The following PSMD11 variants were observed in gnomAD, a reference collection of about 807,000 sequenced individuals.
PSMD11 encodes proteasome 26S subunit, non-ATPase 11.
In PSMD11, 5 loss-of-function variants were observed where a neutral mutation model predicts 62.3. That is an observed-to-expected ratio of 0.08 (90% CI 0.04 to 0.17). The LOEUF (loss-of-function observed/expected upper bound fraction) is 0.17. Among genes scored for constraint, PSMD11 ranks in the 10% least tolerant of loss-of-function variants. PSMD11 has a pLI of 1.00. For missense variants in PSMD11, 310 were observed against 512.9 expected (o/e 0.60, Z 3.82); for synonymous variants, 191 against 191.8 (o/e 1.00, Z 0.03).
At chr17:32,467,072 G>A (rs1908011931) in intron 5 of PSMD11, among the ~76,000 whole-genome samples, 1 of 151,518 alleles carries the variant, frequency 6.6e-6, no homozygotes, top group African/African-American at 2.4e-5. Flanking sequence ...AGCCTCCCAA[G>A]TACCTGGGAT....
At chr17:32,468,946 TTATTAGGTA>T in intron 5 of PSMD11, 44 bp from the exon 6 acceptor site, 1 of 1,511,168 alleles carries the variant, frequency 6.6e-7, no homozygotes, top group South Asian at 1.3e-5. Context: ...GAGTGAGCTA[TTATTAGGTA>T]TTAAGCTGAT....
intron 10 of PSMD11, 94 bp downstream of exon 10, chr17:32,479,470 G>A (rs1908427351): frequency 1.3e-6 from 2 of 1,502,118 alleles, no homozygotes; most frequent in Admixed American, 4.2e-5. Context: ...TCACTTCTAG[G>A]GGTGTGCCTG....
intron 3 of PSMD11, among the ~76,000 whole-genome samples, chr17:32,456,143 CAAAAAAAAAAA>C (rs551469411): frequency 1.7e-5 from 1 of 58,252 alleles, no homozygotes; most frequent in Non-Finnish European, 3.5e-5. Flanking sequence ...GACTCTGTCT[CAAAAAAAAAAA>C]AAAAAAAAAA....
intron 3 of PSMD11, among the ~76,000 whole-genome samples, chr17:32,462,377 C>G (rs2150833837): frequency 6.6e-6 from 1 of 152,236 alleles, no homozygotes; most frequent in East Asian, 1.9e-4. Flanking sequence ...TTGAATTTAG[C>G]TTTTCAGAAT....
chr17:32,469,971 T>C (rs1338294283), intron 6 of PSMD11, among the ~76,000 whole-genome samples: 1 of 152,134 alleles, frequency 6.6e-6, no homozygotes. Flanking sequence ...GCCTCATTAA[T>C]GTTTGTGTTG....
At position 32,476,132 on chromosome 17, in the gene PSMD11, T is replaced by C. The variant is rs113415843; in HGVS notation, c.849+1308T>C. 9.7e-3 allele frequency among the ~76,000 whole-genome samples: 1,475 copies of C among 151,998 alleles called. 29 individuals are homozygous for C. The highest frequency in any genetic ancestry group is 0.034 in the African/African-American group (1,414 of 41,476). On this transcript the variant is annotated intron_variant, in intron 8 of 13. Transcript: ENST00000261712. ...TACAAAAATTAGCCGGGCATGGTAGTGCATTGGTGGCTGTAATCCCAGCTA... is the reference window on the plus strand; with the variant it reads ...TACAAAAATTAGCCGGGCATGGTAGCGCATTGGTGGCTGTAATCCCAGCTA...
rs1340721510 is a variant in PSMD11, at chr17:32,467,867, C to T, written c.449-1132C>T. Among the ~76,000 whole-genome samples, 6 of 152,196 alleles carry T rather than the reference C, an allele frequency of 3.9e-5. No homozygotes were observed. The South Asian group carries it at 1.2e-3, about 32-fold the overall frequency. On this transcript the variant is annotated intron_variant, in intron 5 of 13. Coordinates refer to ENST00000261712, the MANE Select transcript of PSMD11 (RefSeq NM_002815.4). ...TGTGCAGGTTTGTTACATAGGTAAA[C>T]TTGCGTCATGCAGTTTGTTGTTCAG...
At chr17:32,472,225 G>GTT (rs796431729) in intron 6 of PSMD11, among the ~76,000 whole-genome samples, 74 of 140,792 alleles carry the variant, frequency 5.3e-4, no homozygotes, top group African/African-American at 1.2e-3. Context: ...TTGACGTAGA[G>GTT]TTTTTTTTTT....
chr17:32,480,370 A>G (rs1908453104), intron 12 of PSMD11, 119 bp from the exon 13 acceptor site: 2 of 1,468,372 alleles, frequency 1.4e-6, no homozygotes, highest in South Asian at 2.4e-5. Flanking sequence ...GAATAGGGAG[A>G]TGAATTCTAT....
chr17:32,473,559 C>T (rs546424562), intron 6 of PSMD11, among the ~76,000 whole-genome samples: 1 of 151,700 alleles, frequency 6.6e-6, no homozygotes, highest in South Asian at 2.1e-4. Context: ...GGATTATAGG[C>T]GTGAGCTGAA....
At chr17:32,477,478 G>A (rs1382000786) in intron 8 of PSMD11, 43 bp from the exon 9 acceptor site, 2 of 1,524,444 alleles carry the variant, frequency 1.3e-6, no homozygotes, top group Non-Finnish European at 1.8e-6. Context: ...AAATGTTAGT[G>A]TGCAGAATAA....
rs1186696812 is a variant in PSMD11, at chr17:32,480,320, C to T, written c.1126+123C>T. The T allele has an allele frequency of 2.7e-6, 4 of 1,462,276 alleles. No homozygotes were observed. The East Asian group carries it at 9.1e-5, about 33-fold the overall frequency. The allele number at this position is 1,462,276 out of a possible 1,614,324, so 90.6% of individuals were successfully genotyped here. ...GGTTCACCCTGGGGTCCTGGCCCCT[C>T]TTCCCTGTGATGAGAATGTGTAATA... On this transcript the variant is annotated intron_variant, in intron 12 of 13. Transcript: ENST00000261712.
rs2150841832 is a variant in PSMD11, at chr17:32,481,503, G to A, written c.*751G>A. The A allele has an allele frequency of 7.8e-6, 1 of 127,408 alleles. No individual in the cohort carries two copies. The highest frequency in any genetic ancestry group is 2.0e-4 in the East Asian group (1 of 5,114). 7.9% of individuals were successfully genotyped at this position (127,408 alleles called of 1,614,324 possible). A position where few individuals can be genotyped will look rare whatever the true frequency, so the allele number is the denominator to read the frequency against. On this transcript the variant is annotated 3_prime_UTR_variant, in exon 14 of 14. Coordinates refer to ENST00000261712, the MANE Select transcript of PSMD11 (RefSeq NM_002815.4). ...CCCCCAAGGGGCCTGCTATGCATGTGGCTTTTTTTTTTTTTTTAAACACAG... is the reference window on the plus strand; with the variant it reads ...CCCCCAAGGGGCCTGCTATGCATGTAGCTTTTTTTTTTTTTTTAAACACAG...
At chr17:32,473,084 C>T (rs1410672223) in intron 6 of PSMD11, among the ~76,000 whole-genome samples, 3 of 150,330 alleles carry the variant, frequency 2.0e-5, no homozygotes, top group African/African-American at 7.3e-5. Flanking sequence ...CTTGAACCCA[C>T]GAGGCGGAGG....
intron 2 of PSMD11, among the ~76,000 whole-genome samples, chr17:32,447,584 A>C (rs922318369): frequency 4.6e-5 from 7 of 152,194 alleles, no homozygotes; most frequent in Non-Finnish European, 8.8e-5. Flanking sequence ...GACTGATTAG[A>C]TTTGACATAA....
intron 3 of PSMD11, among the ~76,000 whole-genome samples, chr17:32,456,946 C>T (rs772836156): frequency 1.7e-4 from 26 of 152,306 alleles, no homozygotes; most frequent in South Asian, 6.2e-4. Flanking sequence ...GGATTACAGG[C>T]GTGAGCCACT....
At chr17:32,444,810 C>T in intron 1 of PSMD11, 196 bp downstream of exon 1, 1 of 625,440 alleles carries the variant, frequency 1.6e-6, no homozygotes. Context: ...GGGCTTGAGG[C>T]AATCCCCGGG....
At chr17:32,464,180 A>G (rs988666592) in intron 4 of PSMD11, 60 bp downstream of exon 4, 4 of 1,439,940 alleles carry the variant, frequency 2.8e-6, no homozygotes, top group Middle Eastern at 1.7e-4. Flanking sequence ...GGTGAATGTA[A>G]GCAGTACCAT....
intron 7 of PSMD11, 184 bp downstream of exon 7, chr17:32,474,129 T>C: frequency 1.6e-6 from 1 of 621,586 alleles, no homozygotes; most frequent in Non-Finnish European, 2.8e-6. Context: ...CGCTTGCTAG[T>C]CTTTCAGAAT....
Sources: allele counts gnomAD v4.1 joint callset (sites outside exome capture counted in the v4.1 genomes callset), GRCh38; gene constraint gnomAD v4.1.1; transcripts MANE v1.5; gene names NCBI Gene and HGNC (gene_info 2026-07-23, HGNC 2026-07-21).